The following APBA2 variants were observed in gnomAD, a reference collection of about 807,000 sequenced individuals.
APBA2 encodes amyloid-beta A4 precursor protein-binding family A member 2.
APBA2 carries 30 observed loss-of-function variants against 75.0 expected under a neutral mutation model. The ratio of observed to expected loss-of-function variants is 0.40; its 90% confidence interval spans 0.30 to 0.54. The LOEUF (loss-of-function observed/expected upper bound fraction) is 0.54. Ranked by LOEUF, APBA2 falls within the 20% of genes least tolerant of loss-of-function variation. APBA2 has a pLI of 0.49. For missense variants in APBA2, 801 were observed against 1,016.1 expected (o/e 0.79, Z 2.88); for synonymous variants, 444 against 409.6 (o/e 1.08, Z -1.01).
chr15:28,988,627 A>G (rs922735265), intron 2 of APBA2, among the ~76,000 whole-genome samples: 42 of 152,326 alleles, frequency 2.8e-4, no homozygotes, highest in South Asian at 1.7e-3. Context: ...AGGTGGCTGT[A>G]TTTCATGCAT....
intron 1 of APBA2, among the ~76,000 whole-genome samples, chr15:28,893,013 C>T (rs1439053693): frequency 6.6e-6 from 1 of 152,192 alleles, no homozygotes; most frequent in African/African-American, 2.4e-5. Context: ...AATAAGTGAG[C>T]CATGTGCTCT....
At chr15:29,004,098 T>C (rs141907889) in intron 3 of APBA2, among the ~76,000 whole-genome samples, 38 of 152,308 alleles carry the variant, frequency 2.5e-4, no homozygotes, top group Non-Finnish European at 4.7e-4. Flanking sequence ...GGCTGTAGCA[T>C]GCTCCACACC....
At chr15:29,071,131 C>T in intron 4 of APBA2, 1 of 448,818 alleles carries the variant, frequency 2.2e-6, no homozygotes, top group Non-Finnish European at 4.5e-6. Flanking sequence ...GTTGTTTCAT[C>T]CAAAGCAATG....
At chr15:29,045,423 A>G (rs999042791) in intron 3 of APBA2, among the ~76,000 whole-genome samples, 1 of 151,832 alleles carries the variant, frequency 6.6e-6, no homozygotes, top group African/African-American at 2.4e-5. Flanking sequence ...AGTCCCACTC[A>G]TGAGCTCCAC....
At chr15:28,988,259 G>A (rs551636699) in intron 2 of APBA2, among the ~76,000 whole-genome samples, 49 of 150,194 alleles carry the variant, frequency 3.3e-4, no homozygotes, top group African/African-American at 1.1e-3. Flanking sequence ...ATTTTTTTCT[G>A]TAGTGTGCCT....
chr15:29,108,678 G>C, intron 13 of APBA2: 2 of 547,188 alleles, frequency 3.7e-6, no homozygotes, highest in Non-Finnish European at 6.6e-6. Flanking sequence ...GAGGGCAGCA[G>C]ACTTCACCAG....
intron 2 of APBA2, among the ~76,000 whole-genome samples, chr15:28,950,949 G>A (rs979559556): frequency 2.0e-5 from 3 of 152,142 alleles, no homozygotes; most frequent in African/African-American, 7.2e-5. Context: ...AGCTCTTTCA[G>A]GTGGCATCCC....
intron 6 of APBA2, among the ~76,000 whole-genome samples, chr15:29,081,002 CTCA>C (rs1428632249): frequency 6.6e-6 from 1 of 152,200 alleles, no homozygotes; most frequent in Non-Finnish European, 1.5e-5. Flanking sequence ...CTGTCTATAG[CTCA>C]TCAACTTGCC....
intron 4 of APBA2, 115 bp from the exon 5 acceptor site, chr15:29,074,806 C>T (rs1356344765): frequency 1.2e-6 from 1 of 812,638 alleles, no homozygotes; most frequent in Non-Finnish European, 2.1e-6. Context: ...CACACCTATA[C>T]ACATACAGAC....
chr15:29,074,191 C>T (rs965673370), intron 4 of APBA2, among the ~76,000 whole-genome samples: 1 of 151,996 alleles, frequency 6.6e-6, no homozygotes, highest in Non-Finnish European at 1.5e-5. Flanking sequence ...ATTTGCACAC[C>T]CACGTTCATA....
chr15:28,945,809 A>G (rs923421130), intron 2 of APBA2, among the ~76,000 whole-genome samples: 1 of 152,050 alleles, frequency 6.6e-6, no homozygotes, highest in African/African-American at 2.4e-5. Flanking sequence ...CGCTCCTTAC[A>G]TTTTGTTGCT....
chr15:29,085,077 G>T (rs1333509631), intron 6 of APBA2, among the ~76,000 whole-genome samples: 1 of 152,144 alleles, frequency 6.6e-6, no homozygotes, highest in Non-Finnish European at 1.5e-5. Flanking sequence ...TTGCCAAATG[G>T]TGGTGTTCTA....
At chr15:28,930,930 T>C (rs1038629113) in intron 2 of APBA2, among the ~76,000 whole-genome samples, 9 of 152,130 alleles carry the variant, frequency 5.9e-5, no homozygotes, top group African/African-American at 2.2e-4. Flanking sequence ...AGCTCCTCCT[T>C]GGGCAGCTCC....
intron 6 of APBA2, among the ~76,000 whole-genome samples, chr15:29,092,548 A>G (rs958752735): frequency 3.3e-5 from 5 of 152,082 alleles, no homozygotes; most frequent in African/African-American, 1.2e-4. Context: ...GGGGCAGCAG[A>G]TGGAACAAGC....
chr15:29,027,751 G>A (rs940463117), intron 3 of APBA2, among the ~76,000 whole-genome samples: 5 of 151,802 alleles, frequency 3.3e-5, no homozygotes, highest in African/African-American at 1.2e-4. Context: ...ACAGGCGCCT[G>A]CCACCACGCC....
At chr15:28,889,190 C>T (rs1471863393) in intron 1 of APBA2, among the ~76,000 whole-genome samples, 1 of 152,168 alleles carries the variant, frequency 6.6e-6, no homozygotes, top group Non-Finnish European at 1.5e-5. Flanking sequence ...AGTCAGCTGT[C>T]GTGGGCACCG....
chr15:29,117,409 G>C lies in APBA2; in HGVS notation c.*276G>C. On this transcript the variant is annotated 3_prime_UTR_variant, in exon 15 of 15. Coordinates refer to ENST00000683413, the MANE Select transcript of APBA2 (RefSeq NM_001353788.2). ...ACTGTCTTCTCCCTGCACAAGCCAGGGTGTGTCTCGGTAGCTGTGCGTGGT... is the reference window on the plus strand; with the variant it reads ...ACTGTCTTCTCCCTGCACAAGCCAGCGTGTGTCTCGGTAGCTGTGCGTGGT... 1 of 525,642 alleles carries C rather than the reference G, an allele frequency of 1.9e-6. No homozygotes were observed. The allele number at this position is 525,642 out of a possible 1,614,324, so 32.6% of individuals were successfully genotyped here.
intron 3 of APBA2, among the ~76,000 whole-genome samples, chr15:29,049,136 A>G (rs1015562385): frequency 1.6e-4 from 24 of 152,158 alleles, no homozygotes; most frequent in Non-Finnish European, 4.4e-5. Flanking sequence ...TGTGGTGCCC[A>G]CACTTTGCTG....
intron 3 of APBA2, among the ~76,000 whole-genome samples, chr15:29,017,078 G>A (rs1002506819): frequency 6.6e-6 from 1 of 152,036 alleles, no homozygotes; most frequent in Non-Finnish European, 1.5e-5. Context: ...CCCCTGATTC[G>A]GTGGGTGTTT....
Sources: gnomAD v4.1 joint callset for allele counts (sites outside exome capture counted in the v4.1 genomes callset) on GRCh38, gnomAD v4.1.1 for gene constraint, MANE v1.5 for transcripts, NCBI Gene and HGNC (gene_info 2026-07-23, HGNC 2026-07-21) for gene names.